Variants in PABPC4L observed in about 807,000 individuals in gnomAD.
PABPC4L encodes the protein polyadenylate-binding protein 4-like.
For missense variants in PABPC4L, 452 were observed against 451.4 expected (o/e 1.00, Z -0.01); for synonymous variants, 169 against 164.1 (o/e 1.03, Z -0.23).
chr4:134,000,001 G>T, the PABPC4L span, among the ~76,000 whole-genome samples: 1 of 151,840 alleles, frequency 6.6e-6, no homozygotes, highest in Non-Finnish European at 1.5e-5. Context: ...TTCAAAATTG[G>T]CTTGTAAGTT....
the PABPC4L span, among the ~76,000 whole-genome samples, chr4:134,089,973 T>C: frequency 8.5e-5 from 13 of 152,174 alleles, no homozygotes; most frequent in East Asian, 1.6e-3. Context: ...TTGAAATCAA[T>C]TGAGCCCTCT....
chr4:134,055,970 T>C, the PABPC4L span, among the ~76,000 whole-genome samples: 2 of 152,022 alleles, frequency 1.3e-5, no homozygotes, highest in East Asian at 3.9e-4. Flanking sequence ...GTCTGTGATG[T>C]ATTTTGAGCT....
the PABPC4L span, among the ~76,000 whole-genome samples, chr4:134,159,826 C>T: frequency 6.6e-6 from 1 of 152,114 alleles, no homozygotes; most frequent in African/African-American, 2.4e-5. Flanking sequence ...AGAGTGCCTG[C>T]ATCACCCCTC....
chr4:133,949,418 A>G, the PABPC4L span, among the ~76,000 whole-genome samples: 1 of 152,154 alleles, frequency 6.6e-6, no homozygotes, highest in Admixed American at 6.5e-5. Context: ...GGCCCCAACC[A>G]ATACTCGGGC....
chr4:133,984,453 A>T, the PABPC4L span, among the ~76,000 whole-genome samples: 1 of 151,896 alleles, frequency 6.6e-6, no homozygotes, highest in South Asian at 2.1e-4. Context: ...TTTGTGAGCA[A>T]ATTAATGCTC....
chr4:133,992,586 C>A, the PABPC4L span, among the ~76,000 whole-genome samples: 4 of 152,034 alleles, frequency 2.6e-5, no homozygotes, highest in Non-Finnish European at 5.9e-5. Flanking sequence ...CCTAGCCAAG[C>A]AGTTATATTA....
At chr4:134,127,151 T>C in the PABPC4L span, among the ~76,000 whole-genome samples, 1 of 151,908 alleles carries the variant, frequency 6.6e-6, no homozygotes, top group African/African-American at 2.4e-5. Flanking sequence ...GAGAGTCAGC[T>C]CAGACAGTCC....
the PABPC4L span, among the ~76,000 whole-genome samples, chr4:134,031,458 G>A: frequency 6.6e-6 from 1 of 151,890 alleles, no homozygotes; most frequent in Non-Finnish European, 1.5e-5. Context: ...ACAGTAAATT[G>A]AATTTTTTGT....
At chr4:134,123,377 T>C in the PABPC4L span, among the ~76,000 whole-genome samples, 1 of 151,998 alleles carries the variant, frequency 6.6e-6, no homozygotes, top group African/African-American at 2.4e-5. Context: ...AATAAGTAGA[T>C]TACCAAGTAG....
At chr4:134,118,339 G>A in the PABPC4L span, among the ~76,000 whole-genome samples, 2 of 151,764 alleles carry the variant, frequency 1.3e-5, no homozygotes, top group African/African-American at 4.8e-5. Flanking sequence ...GAATGTTACA[G>A]CTTTTCAGGT....
At chr4:134,154,469 T>G in the PABPC4L span, among the ~76,000 whole-genome samples, 6 of 151,902 alleles carry the variant, frequency 3.9e-5, no homozygotes, top group African/African-American at 1.4e-4. Context: ...AATAAATAAA[T>G]AAATAAATAA....
At chr4:134,005,679 C>A in the PABPC4L span, among the ~76,000 whole-genome samples, 1 of 151,738 alleles carries the variant, frequency 6.6e-6, no homozygotes, top group African/African-American at 2.4e-5. Context: ...AGACACTAGG[C>A]AATCAGAGCT....
At chr4:134,000,606 T>C in the PABPC4L span, among the ~76,000 whole-genome samples, 1 of 152,262 alleles carries the variant, frequency 6.6e-6, no homozygotes, top group African/African-American at 2.4e-5. Context: ...ACTTTTTTTC[T>C]TGGTATGTCT....
At chr4:134,146,491 G>C in the PABPC4L span, among the ~76,000 whole-genome samples, 1 of 151,990 alleles carries the variant, frequency 6.6e-6, no homozygotes, top group African/African-American at 2.4e-5. Context: ...ACAAGCAATA[G>C]GAAATATTTC....
At chr4:134,001,995 A>T in the PABPC4L span, among the ~76,000 whole-genome samples, 1 of 152,148 alleles carries the variant, frequency 6.6e-6, no homozygotes, top group South Asian at 2.1e-4. Flanking sequence ...GCAATGAGAT[A>T]TTGATTAAAT....
At chr4:134,076,758 T>C in the PABPC4L span, among the ~76,000 whole-genome samples, 1 of 152,100 alleles carries the variant, frequency 6.6e-6, no homozygotes, top group African/African-American at 2.4e-5. Flanking sequence ...ACAACTGTTA[T>C]GGATATATAG....
At chr4:134,041,859 A>G in the PABPC4L span, among the ~76,000 whole-genome samples, 1 of 152,156 alleles carries the variant, frequency 6.6e-6, no homozygotes, top group Non-Finnish European at 1.5e-5. Flanking sequence ...TATGGAAAAC[A>G]GCATGGAGAT....
chr4:134,010,780 G>C, the PABPC4L span: 3 of 152,144 alleles, frequency 2.0e-5, no homozygotes, highest in African/African-American at 7.2e-5. Flanking sequence ...CATATAGCAA[G>C]TAACAAACCA....
the PABPC4L span, among the ~76,000 whole-genome samples, chr4:134,127,707 C>T: frequency 1.3e-5 from 2 of 151,968 alleles, no homozygotes; most frequent in Non-Finnish European, 2.9e-5. Context: ...GAGAAAGAAC[C>T]AGAAAAACGA....
Sources: allele counts gnomAD v4.1 joint callset (sites outside exome capture counted in the v4.1 genomes callset), GRCh38; gene constraint gnomAD v4.1.1; transcripts MANE v1.5; gene names NCBI Gene and HGNC (gene_info 2026-07-23, HGNC 2026-07-21).